The following BOP1 variants were observed in gnomAD, a reference collection of about 807,000 sequenced individuals.
BOP1 encodes the protein ribosome biogenesis protein BOP1.
BOP1 carries 54 observed loss-of-function variants against 82.9 expected under a neutral mutation model. The observed-to-expected ratio is 0.65, with a 90% CI of 0.52 to 0.82. The LOEUF (loss-of-function observed/expected upper bound fraction) is 0.82. Ranked by LOEUF, BOP1 falls within the 40% of genes least tolerant of loss-of-function variation. BOP1 has a pLI of 0.00. For synonymous variants in BOP1, 566 were observed against 451.1 expected, an observed-to-expected ratio of 1.25 and a Z score of -3.23; for missense variants, 1,170 against 1,072.0, an observed-to-expected ratio of 1.09 and a Z score of -1.28.
At chr8:144,273,555 G>A (rs1481889919) in intron 3 of BOP1, among the ~76,000 whole-genome samples, 1 of 152,252 alleles carries the variant, frequency 6.6e-6, no homozygotes, top group Non-Finnish European at 1.5e-5. Flanking sequence ...AGGGTGGGTG[G>A]CTGCATCCTC....
rs919109679 is a variant in BOP1 at position 144,277,804 on chromosome 8, C to T, written c.310-1500G>A. Among the ~76,000 whole-genome samples the T allele has an allele frequency of 1.6e-4, 24 of 146,204 alleles. 1 individual carries two copies. Among genetic ancestry groups the T allele is most frequent in the Non-Finnish European group, 3.2e-4 (22 of 67,722 alleles). On this transcript the variant is annotated intron_variant, in intron 2 of 15. Coordinates refer to ENST00000569669, the MANE Select transcript of BOP1 (RefSeq NM_015201.5). ...CAGCGCCCGAAGGGCAGGGGCGGTG[C>T]GGGCAGGGGCGGTGCGGGCAGGGGC... is the stretch of plus-strand genomic sequence containing the variant.
chr8:144,269,179 G>A (rs1845448119), intron 3 of BOP1, among the ~76,000 whole-genome samples: 2 of 152,238 alleles, frequency 1.3e-5, no homozygotes, highest in African/African-American at 4.8e-5. Context: ...GTGCACAGCT[G>A]GCTGGCCATT....
At position 144,264,108 on chromosome 8, in the gene BOP1, C is replaced by T; in HGVS notation, c.1013G>A (p.Arg338Lys). The change falls in exon 8 of 16, where the codon AGG (arginine) becomes AAG (lysine). Residue 338 changes from arginine (R) to lysine (K), a missense_variant. Physicochemically the swap from Arg to Lys is conservative, Grantham distance 26 (BLOSUM62 2). Coordinates refer to ENST00000569669, the MANE Select transcript of BOP1 (RefSeq NM_015201.5). ...LAWEQQEPGE[R>K]KLSFLPRKFP... ...CTTGCGTGGCAAAAAGCTCAGCTTC[C>T]TCTCGCCTGGCTCCTGCTGTTCCCA... 2 of 1,610,488 alleles carry T rather than the reference C, an allele frequency of 1.2e-6. No individual in the cohort carries two copies. The highest frequency in any genetic ancestry group is 1.1e-5 in the South Asian group (1 of 90,846).
At chr8:144,267,256 G>C in intron 3 of BOP1, 1 of 1,421,948 alleles carries the variant, frequency 7.0e-7, no homozygotes, top group Non-Finnish European at 9.1e-7. Context: ...CAGAGGAGGC[G>C]AGGCCACACG....
At chr8:144,267,302 C>T (rs1226209220) in intron 3 of BOP1, 7 of 1,210,386 alleles carry the variant, frequency 5.8e-6, no homozygotes, top group Non-Finnish European at 7.4e-6. Context: ...GCAGGCACAC[C>T]TGTAACACAG....
intron 3 of BOP1, chr8:144,266,952 G>A (rs1286992343): frequency 4.3e-5 from 67 of 1,560,426 alleles, no homozygotes; most frequent in East Asian, 1.2e-4. Context: ...AGCTCTCCAA[G>A]ATTGAGACGC....
At chr8:144,269,278 C>G (rs1291334879) in intron 3 of BOP1, among the ~76,000 whole-genome samples, 1 of 152,244 alleles carries the variant, frequency 6.6e-6, no homozygotes, top group East Asian at 1.9e-4. Context: ...ACCACCTCCC[C>G]CCAACCCTGC....
intron 3 of BOP1, among the ~76,000 whole-genome samples, chr8:144,274,989 G>A (rs1160553826): frequency 2.6e-5 from 4 of 152,184 alleles, no homozygotes; most frequent in Non-Finnish European, 5.9e-5. Context: ...CTCCGGCCAG[G>A]AAACCAATTT....
At chr8:144,266,806 G>GGGCCAGGGGGCC in intron 3 of BOP1, 1 of 1,146,186 alleles carries the variant, frequency 8.7e-7, no homozygotes, top group Non-Finnish European at 1.1e-6. Flanking sequence ...CGGGGGCGGG[G>GGGCCAGGGGGCC]GGCCAGGGGG....
intron 3 of BOP1, chr8:144,268,146 G>A (rs1347791873): frequency 1.3e-6 from 2 of 1,551,168 alleles, no homozygotes; most frequent in Non-Finnish European, 1.7e-6. Context: ...CAGTTAGGAG[G>A]TGGCCGGCAG....
At chr8:144,265,219 T>C (rs1314322585) in intron 3 of BOP1, 148 bp from the exon 4 acceptor site, 3 of 903,588 alleles carry the variant, frequency 3.3e-6, no homozygotes, top group African/African-American at 1.7e-5. Flanking sequence ...CCTACGCCTG[T>C]TCCCCAGCCC....
At chr8:144,269,555 C>A (rs1156940177) in intron 3 of BOP1, among the ~76,000 whole-genome samples, 1 of 152,212 alleles carries the variant, frequency 6.6e-6, no homozygotes, top group Non-Finnish European at 1.5e-5. Context: ...CCATTAAGGG[C>A]TAGAGGGGGG....
At position 144,263,459 on chromosome 8, in the gene BOP1, C is replaced by T; in HGVS notation, c.1424+19G>A. The T allele has an allele frequency of 6.3e-7, 1 of 1,597,996 alleles. No homozygotes were observed. Among genetic ancestry groups the T allele is most frequent in the Non-Finnish European group, 8.5e-7 (1 of 1,179,676 alleles). On this transcript the variant is annotated intron_variant, in intron 11 of 15. Coordinates refer to ENST00000569669, the MANE Select transcript of BOP1 (RefSeq NM_015201.5). The stretch of plus-strand genomic sequence containing the variant: ...ACAGTGCCACCCCTGGCTCCCCAGC[C>T]CCCAGGGCCTCCACTTACACGGCTG...
At chr8:144,290,346 AAAAAAAG>A (rs1162952736) in intron 1 of BOP1, among the ~76,000 whole-genome samples, 7 of 151,856 alleles carry the variant, frequency 4.6e-5, no homozygotes, top group East Asian at 1.9e-4. Flanking sequence ...CTCAAAAAAA[AAAAAAAG>A]AAAAAAGAAA....
Position 144,262,506 on chromosome 8 carries a change from G to A in BOP1, c.1980-3C>T, listed in dbSNP as rs1358346133. ...CCCGCAGAGCCTTCTTGTGGTGTCT[G>A]GGGGGAGGGAACCAGGTTGAAGGCA... On this transcript the variant is annotated splice_region_variant and splice_polypyrimidine_tract_variant and intron_variant, in intron 14 of 15. Coordinates refer to ENST00000569669, the MANE Select transcript of BOP1 (RefSeq NM_015201.5). 19 of 1,612,934 alleles carry A rather than the reference G, an allele frequency of 1.2e-5. No individual in the cohort carries two copies. The highest frequency in any genetic ancestry group is 1.5e-5 in the Non-Finnish European group (18 of 1,179,752).
intron 3 of BOP1, among the ~76,000 whole-genome samples, chr8:144,266,374 T>C (rs1471669832): frequency 1.4e-5 from 2 of 141,588 alleles, no homozygotes; most frequent in African/African-American, 5.4e-5. Context: ...TCGAGGAGCC[T>C]CCGGGCTGAG....
At chr8:144,271,091 G>A (rs1048242346) in intron 3 of BOP1, among the ~76,000 whole-genome samples, 1 of 151,872 alleles carries the variant, frequency 6.6e-6, no homozygotes, top group African/African-American at 2.4e-5. Flanking sequence ...CGGCCGGCCG[G>A]CCGGGGGCAC....
At chr8:144,285,699 C>T (rs536177872) in intron 2 of BOP1, among the ~76,000 whole-genome samples, 5 of 152,324 alleles carry the variant, frequency 3.3e-5, no homozygotes, top group East Asian at 1.9e-4. Flanking sequence ...TTCTAGAAGC[C>T]GCTCAACGGA....
At chr8:144,269,192 A>G (rs1468134149) in intron 3 of BOP1, among the ~76,000 whole-genome samples, 5 of 152,290 alleles carry the variant, frequency 3.3e-5, no homozygotes, top group Admixed American at 3.3e-4. Context: ...TGGCCATTAA[A>G]ACCCTGCAGG....
Sources: gnomAD v4.1 joint callset for allele counts (sites outside exome capture counted in the v4.1 genomes callset) on GRCh38, gnomAD v4.1.1 for gene constraint, MANE v1.5 for transcripts, NCBI Gene and HGNC (gene_info 2026-07-23, HGNC 2026-07-21) for gene names.